Variants in UNC79 observed in about 807,000 individuals in gnomAD.
The protein encoded by UNC79 is protein unc-79 homolog.
UNC79 carries 37 observed loss-of-function variants against 283.1 expected under a neutral mutation model. The ratio of observed to expected loss-of-function variants is 0.13; its 90% CI spans 0.10 to 0.17. UNC79 has a LOEUF of 0.17. Among genes scored for constraint, UNC79 ranks in the 10% least tolerant of loss-of-function variants. The pLI is 1.00. For synonymous variants in UNC79, 1,107 were observed against 1,200.2 expected (o/e 0.92, Z 1.61); for missense variants, 2,272 against 3,211.1 (o/e 0.71, Z 7.07).
At chr14:93,579,405 G>T (rs955723682) in intron 18 of UNC79, among the ~76,000 whole-genome samples, 2 of 152,086 alleles carry the variant, frequency 1.3e-5, no homozygotes, top group East Asian at 3.9e-4. Context: ...CATGACAGTC[G>T]AGTGATAATT....
At chr14:93,407,168 A>G (rs1033002629) in intron 1 of UNC79, among the ~76,000 whole-genome samples, 8 of 152,220 alleles carry the variant, frequency 5.3e-5, no homozygotes, top group African/African-American at 1.9e-4. Context: ...AGCTCATCTT[A>G]ACTTGATTAC....
upstream of UNC79, among the ~76,000 whole-genome samples, chr14:93,425,424 A>G (rs1342371918): frequency 6.6e-6 from 1 of 152,236 alleles, no homozygotes; most frequent in Non-Finnish European, 1.5e-5. Context: ...ATGGTCAAAT[A>G]TAGCCAAGAT....
chr14:93,621,652 G>C lies in UNC79; in HGVS notation c.4419G>C (p.Thr1473=), dbSNP rs755525028. The stretch of plus-strand genomic sequence containing the variant: ...TAGAACTGGCTGAATATAGAGAGAC[G>C]GGTGCATTACAAGACAGCCTTCTCC... Residue 1473 remains threonine (T), a synonymous_variant, in exon 30 of 49, where the codon ACG becomes ACC. Coordinates refer to ENST00000555664, the Ensembl canonical transcript of UNC79. The surrounding 1 kb of genome is among the most constrained non-coding windows in gnomAD (Gnocchi z 4.8). 19 of 1,591,912 alleles carry C rather than the reference G, an allele frequency of 1.2e-5. No homozygotes were observed. Among genetic ancestry groups the C allele is most frequent in the Non-Finnish European group, 1.6e-5 (19 of 1,169,980 alleles).
At position 93,641,025 on chromosome 14, in the gene UNC79, T is replaced by A. The variant is rs191825279; in HGVS notation, c.5801-120T>A. The stretch of plus-strand genomic sequence containing the variant: ...AGGGCTTTCTGCAGTACAGTTGGGA[T>A]GTCCAAGTTGTATTCCTGGGAATGT... On this transcript the variant is annotated intron_variant, in intron 32 of 48. Transcript: ENST00000555664. The A allele has an allele frequency of 5.2e-4, 370 of 704,770 alleles. 2 individuals are homozygous for A. In the East Asian group the frequency reaches 0.01, roughly 19 times the overall value. The allele number at this position is 704,770 out of a possible 1,614,324, so 43.7% of individuals were successfully genotyped here.
At chr14:93,584,946 C>A (rs1281960426) in intron 20 of UNC79, among the ~76,000 whole-genome samples, 1 of 152,070 alleles carries the variant, frequency 6.6e-6, no homozygotes, top group South Asian at 2.1e-4. Context: ...ATCCACCTGC[C>A]TCAGCCTCCC....
intron 1 of UNC79, among the ~76,000 whole-genome samples, chr14:93,420,331 A>T (rs1048383430): frequency 3.3e-5 from 5 of 151,744 alleles, no homozygotes; most frequent in African/African-American, 1.2e-4. Flanking sequence ...ATATCCAACA[A>T]AATAGATTTC....
At chr14:93,567,004 C>G (rs2062932859) in intron 14 of UNC79, among the ~76,000 whole-genome samples, 1 of 152,150 alleles carries the variant, frequency 6.6e-6, no homozygotes, top group Non-Finnish European at 1.5e-5. Flanking sequence ...AAAACTGCCT[C>G]CTTACATCCT....
intron 47 of UNC79, among the ~76,000 whole-genome samples, chr14:93,695,163 C>T (rs895671953): frequency 1.4e-4 from 22 of 152,118 alleles, no homozygotes; most frequent in African/African-American, 5.1e-4. Flanking sequence ...CCTTCTTCCT[C>T]TCCTTGTATC....
intron 4 of UNC79, 91 bp from the exon 5 acceptor site, chr14:93,487,572 T>TC: frequency 9.4e-7 from 1 of 1,062,818 alleles, no homozygotes; most frequent in Non-Finnish European, 1.3e-6. Context: ...TTTTTTTTTT[T>TC]AAAGTTCCTT....
At chr14:93,637,435 A>G in intron 32 of UNC79, 136 bp downstream of exon 35, 1 of 1,411,366 alleles carries the variant, frequency 7.1e-7, no homozygotes, top group Non-Finnish European at 9.4e-7. Flanking sequence ...AAACACCCCC[A>G]GTGGCTGAGA....
chr14:93,641,568 A>C (rs1027674575), intron 33 of UNC79, among the ~76,000 whole-genome samples: 1 of 152,022 alleles, frequency 6.6e-6, no homozygotes, highest in African/African-American at 2.4e-5. Context: ...TGGGAGGATC[A>C]CTTGAGCCTG....
At chr14:93,669,388 G>A (rs184212139) in intron 40 of UNC79, among the ~76,000 whole-genome samples, 3 of 152,260 alleles carry the variant, frequency 2.0e-5, no homozygotes, top group Non-Finnish European at 4.4e-5. Flanking sequence ...CCCAGGGAGT[G>A]TTTGTCAATC....
At chr14:93,440,938 A>G (rs1031773274) in intron 1 of UNC79, among the ~76,000 whole-genome samples, 1 of 152,116 alleles carries the variant, frequency 6.6e-6, no homozygotes, top group Non-Finnish European at 1.5e-5. Flanking sequence ...TTTGATGTAT[A>G]TCTATAAGAT....
intron 48 of UNC79, among the ~76,000 whole-genome samples, chr14:93,705,625 C>A (rs556603865): frequency 1.3e-5 from 2 of 152,350 alleles, no homozygotes; most frequent in East Asian, 3.9e-4. Context: ...TGTTTCCCAG[C>A]CCCAGGCTTT....
At chr14:93,486,002 G>A (rs932733998) in intron 4 of UNC79, among the ~76,000 whole-genome samples, 2 of 152,120 alleles carry the variant, frequency 1.3e-5, no homozygotes, top group Non-Finnish European at 2.9e-5. Flanking sequence ...TATTATACAT[G>A]TGTTCTATTA....
intron 14 of UNC79, among the ~76,000 whole-genome samples, chr14:93,569,240 A>T (rs1370052735): frequency 2.0e-5 from 3 of 152,210 alleles, no homozygotes; most frequent in Admixed American, 2.0e-4. Context: ...GATGGAGACC[A>T]TCCTGGCCAA....
intron 1 of UNC79, among the ~76,000 whole-genome samples, chr14:93,356,632 A>AGATGAG (rs2054091133): frequency 6.6e-6 from 1 of 152,368 alleles, no homozygotes; most frequent in East Asian, 1.9e-4. Context: ...CTTGTCTAGT[A>AGATGAG]GATGAGCAGA....
chr14:93,611,557 A>G (rs2066304537), intron 26 of UNC79, among the ~76,000 whole-genome samples: 2 of 152,146 alleles, frequency 1.3e-5, no homozygotes, highest in Non-Finnish European at 2.9e-5. Flanking sequence ...TCCCAGAAAC[A>G]TTTCTTATGC....
chr14:93,485,931 A>T (rs1346479835), intron 4 of UNC79, among the ~76,000 whole-genome samples: 1 of 152,094 alleles, frequency 6.6e-6, no homozygotes, highest in Non-Finnish European at 1.5e-5. Context: ...GAATTGTGTT[A>T]ATTTTTTTTA....
Sources: allele counts gnomAD v4.1 joint callset (sites outside exome capture counted in the v4.1 genomes callset), GRCh38; gene constraint gnomAD v4.1.1; non-coding constraint Gnocchi (gnomAD v3.1); transcripts MANE v1.5; gene names NCBI Gene and HGNC (gene_info 2026-07-23, HGNC 2026-07-21).